The following CNTNAP2 variants were observed in gnomAD, a reference collection of about 807,000 sequenced individuals.
CNTNAP2 encodes the protein contactin-associated protein-like 2.
A neutral mutation model predicts 155.2 loss-of-function variants in CNTNAP2; 98 were observed. That is an observed-to-expected ratio of 0.63 (90% CI 0.54 to 0.75). CNTNAP2 has a LOEUF of 0.75. CNTNAP2 is among the 30% of genes least tolerant of loss of function. The pLI, the probability that CNTNAP2 is intolerant of heterozygous loss-of-function variation, is 0.00. For missense variants in CNTNAP2, 1,727 were observed against 1,688.1 expected, an observed-to-expected ratio of 1.02 and a Z score of -0.40; for synonymous variants, 651 against 631.2, an observed-to-expected ratio of 1.03 and a Z score of -0.47.
At chr7:146,644,479 C>G (rs991138229) in intron 1 of CNTNAP2, among the ~76,000 whole-genome samples, 2 of 152,084 alleles carry the variant, frequency 1.3e-5, no homozygotes, top group Non-Finnish European at 2.9e-5. Context: ...GTATGTTGAA[C>G]CAGCCTTGCA....
chr7:147,446,621 T>A (rs1210331287), intron 10 of CNTNAP2, among the ~76,000 whole-genome samples: 1 of 152,196 alleles, frequency 6.6e-6, no homozygotes, highest in Non-Finnish European at 1.5e-5. Flanking sequence ...GAGACACAAC[T>A]TTTCCCAAGA....
At chr7:146,407,532 C>T (rs550115444) in intron 1 of CNTNAP2, among the ~76,000 whole-genome samples, 3 of 152,284 alleles carry the variant, frequency 2.0e-5, no homozygotes, top group East Asian at 3.9e-4. Flanking sequence ...TGGTGTGCCA[C>T]GGCTACGCAA....
At chr7:147,704,320 C>A in intron 13 of CNTNAP2, 1 of 167,774 alleles carries the variant, frequency 6.0e-6, no homozygotes, top group South Asian at 1.8e-4. Context: ...ATTTTCTTGT[C>A]AGCCTGCTTC....
intron 1 of CNTNAP2, among the ~76,000 whole-genome samples, chr7:146,128,014 C>T (rs1450348710): frequency 2.6e-5 from 4 of 152,124 alleles, no homozygotes; most frequent in African/African-American, 4.8e-5. Flanking sequence ...CTTACCTTTG[C>T]AACTTAGTAC....
chr7:147,782,508 A>G (rs1035804204), intron 13 of CNTNAP2, among the ~76,000 whole-genome samples: 1 of 152,168 alleles, frequency 6.6e-6, no homozygotes, highest in Non-Finnish European at 1.5e-5. Flanking sequence ...GTGGGAAGCC[A>G]CTCTCTACTT....
chr7:147,216,139 TTCA>T (rs2116582374), intron 8 of CNTNAP2, among the ~76,000 whole-genome samples: 1 of 152,130 alleles, frequency 6.6e-6, no homozygotes, highest in South Asian at 2.1e-4. Context: ...TGTTTTTTTT[TTCA>T]TCTTCTTTAT....
chr7:147,812,255 CTT>C (rs1285431051), intron 13 of CNTNAP2, among the ~76,000 whole-genome samples: 1 of 152,114 alleles, frequency 6.6e-6, no homozygotes, highest in Non-Finnish European at 1.5e-5. Flanking sequence ...CAGGAGTAAA[CTT>C]TGTAACTTAG....
chr7:146,874,370 G>C (rs1008210825), intron 3 of CNTNAP2, among the ~76,000 whole-genome samples: 2 of 151,932 alleles, frequency 1.3e-5, no homozygotes, highest in African/African-American at 4.8e-5. Flanking sequence ...ATGGAGTCTT[G>C]CTCTGTCACC....
At chr7:147,812,437 G>A (rs1446868742) in intron 13 of CNTNAP2, among the ~76,000 whole-genome samples, 1 of 151,478 alleles carries the variant, frequency 6.6e-6, no homozygotes. Context: ...GCACAGGTCA[G>A]CCGGAGATGT....
intron 3 of CNTNAP2, among the ~76,000 whole-genome samples, chr7:146,950,707 G>C (rs115137783): frequency 6.6e-6 from 1 of 152,036 alleles, no homozygotes; most frequent in Admixed American, 6.6e-5. Flanking sequence ...TGGGGATCTG[G>C]GCTGGTTCCA....
At chr7:146,380,782 T>G (rs986860366) in intron 1 of CNTNAP2, among the ~76,000 whole-genome samples, 6 of 92,288 alleles carry the variant, frequency 6.5e-5, no homozygotes, top group African/African-American at 2.4e-4. Context: ...CTTATGCACG[T>G]TCTTTTTTTT....
At chr7:146,950,187 T>C (rs1459601090) in intron 3 of CNTNAP2, among the ~76,000 whole-genome samples, 1 of 152,174 alleles carries the variant, frequency 6.6e-6, no homozygotes, top group African/African-American at 2.4e-5. Context: ...TATCTGAAAG[T>C]ACATGTAGAT....
At chr7:148,230,085 C>T (rs986884645) in intron 20 of CNTNAP2, among the ~76,000 whole-genome samples, 2 of 152,340 alleles carry the variant, frequency 1.3e-5, no homozygotes, top group South Asian at 4.1e-4. Flanking sequence ...ATTGCACCAT[C>T]TTTCTTCGCC....
At chr7:147,245,695 A>T (rs1563131763) in intron 8 of CNTNAP2, among the ~76,000 whole-genome samples, 1 of 134,406 alleles carries the variant, frequency 7.4e-6, no homozygotes, top group East Asian at 2.3e-4. Context: ...TTAGCGTGGC[A>T]TGTTGGCAGT....
chr7:146,710,467 A>T (rs189836658), intron 1 of CNTNAP2, among the ~76,000 whole-genome samples: 3 of 152,286 alleles, frequency 2.0e-5, no homozygotes, highest in Admixed American at 2.0e-4. Flanking sequence ...TCTTTCCTAG[A>T]AACAGAGAAA....
rs536366301 is a variant in CNTNAP2 at position 146,335,646 on chromosome 7, C to T, written c.97+218673C>T. 2.6e-5 allele frequency among the ~76,000 whole-genome samples: 4 copies of T among 152,252 alleles called. No homozygotes were observed. In the East Asian group the frequency reaches 7.7e-4, roughly 29 times the overall value. ...CAAACAGTTAAAACCCTTTTCCATC[C>T]TTCACGTTTTTTAAAAAAAGTCTCC... is the stretch of plus-strand genomic sequence containing the variant. On this transcript the variant is annotated intron_variant, in intron 1 of 23. Coordinates refer to ENST00000361727, the MANE Select transcript of CNTNAP2 (RefSeq NM_014141.6).
intron 1 of CNTNAP2, among the ~76,000 whole-genome samples, chr7:146,769,194 T>C (rs1465470632): frequency 2.0e-5 from 3 of 152,236 alleles, no homozygotes; most frequent in Non-Finnish European, 2.9e-5. Context: ...ATATTTGCCA[T>C]TGCTGTGTAT....
At chr7:146,410,158 C>T (rs1457214863) in intron 1 of CNTNAP2, among the ~76,000 whole-genome samples, 1 of 152,180 alleles carries the variant, frequency 6.6e-6, no homozygotes, top group Non-Finnish European at 1.5e-5. Flanking sequence ...GTTGATGTCT[C>T]ATCACGAATG....
chr7:147,911,143 A>G (rs939659693), intron 14 of CNTNAP2, among the ~76,000 whole-genome samples: 1 of 151,408 alleles, frequency 6.6e-6, no homozygotes, highest in African/African-American at 2.4e-5. Flanking sequence ...GCCCCTGGCC[A>G]GTTAACCTTA....
Sources: gnomAD v4.1 joint callset for allele counts (sites outside exome capture counted in the v4.1 genomes callset) on GRCh38, gnomAD v4.1.1 for gene constraint, MANE v1.5 for transcripts, NCBI Gene and HGNC (gene_info 2026-07-23, HGNC 2026-07-21) for gene names.